Variants in CENPN observed in about 807,000 individuals in gnomAD.
CENPN encodes centromere protein N.
Under a neutral mutation model 48.6 loss-of-function variants are expected in CENPN, and 36 were observed. The observed-to-expected ratio is 0.74, with a 90% CI of 0.57 to 0.98. The LOEUF (loss-of-function observed/expected upper bound fraction) is 0.98, where lower values mean the gene tolerates loss of function less well. CENPN is among the 50% of genes least tolerant of loss of function. The probability of loss-of-function intolerance (pLI) is 0.00; values close to 1 mark genes in which losing one functional copy is unlikely to be tolerated. For missense variants in CENPN, 439 were observed against 399.2 expected, an observed-to-expected ratio of 1.10 and a Z score of -0.85; for synonymous variants, 166 against 135.2, an observed-to-expected ratio of 1.23 and a Z score of -1.58.
intron 1 of CENPN, among the ~76,000 whole-genome samples, chr16:81,009,983 G>A (rs1449053590): frequency 6.6e-6 from 1 of 152,208 alleles, no homozygotes; most frequent in Non-Finnish European, 1.5e-5. Context: ...CAGATCACTT[G>A]AGGTCAGGAG....
chr16:81,011,042 C>T (rs1481936749), intron 1 of CENPN, among the ~76,000 whole-genome samples: 1 of 152,220 alleles, frequency 6.6e-6, no homozygotes, highest in African/African-American at 2.4e-5. Flanking sequence ...CAGTGCCTTT[C>T]AAGGCCCTCC....
downstream of CENPN, chr16:81,032,665 C>T (rs557130605): frequency 6.2e-7 from 1 of 1,611,808 alleles, no homozygotes; most frequent in African/African-American, 1.3e-5. Flanking sequence ...CTTGTACCTT[C>T]TGTTTGTCCC....
chr16:81,011,131 T>C (rs1220476025), intron 1 of CENPN, among the ~76,000 whole-genome samples: 1 of 152,138 alleles, frequency 6.6e-6, no homozygotes, highest in African/African-American at 2.4e-5. Context: ...CCCTTCCCTG[T>C]TCCTCGAAGG....
downstream of CENPN, among the ~76,000 whole-genome samples, chr16:81,031,651 G>C (rs1355646218): frequency 6.6e-6 from 1 of 152,214 alleles, no homozygotes; most frequent in African/African-American, 2.4e-5. Flanking sequence ...CACGGATTCT[G>C]TTTACGAGTT....
At chr16:81,013,407 G>C (rs1969818720) in intron 2 of CENPN, among the ~76,000 whole-genome samples, 1 of 152,204 alleles carries the variant, frequency 6.6e-6, no homozygotes, top group African/African-American at 2.4e-5. Flanking sequence ...GAACCAAGAA[G>C]AGTGGAAGGA....
chr16:81,014,090 C>G (rs775600924), intron 2 of CENPN, 46 bp from the exon 3 acceptor site: 93 of 1,542,936 alleles, frequency 6.0e-5, no homozygotes, highest in Non-Finnish European at 7.5e-5. Context: ...CGGGATAGAA[C>G]CAAACCTATA....
At position 81,028,289 on chromosome 16, in the gene CENPN, C is replaced by T. The variant is rs1321763150; in HGVS notation, c.929C>T (p.Ala310Val). 3 of 1,614,096 alleles carry T rather than the reference C, an allele frequency of 1.9e-6. No homozygotes were observed. Among genetic ancestry groups the T allele is most frequent in the East Asian group, 4.5e-5 (2 of 44,876 alleles). Residue 310 changes from alanine (A) to valine (V), a missense_variant, in exon 10 of 11, where the codon GCA becomes GTA. Physicochemically the swap from Ala to Val is moderately conservative, Grantham distance 64. Coordinates refer to ENST00000305850, the MANE Select transcript of CENPN (RefSeq NM_001100624.3). ...PHLLEALKSL[A>V]PAGIADAPLS... is the part of the protein sequence containing the mutation. ...CTTCTGGAAGCATTGAAATCCTTAG[C>T]ACCAGCGGGTGAGTGGTCAGCTTAC... is the stretch of plus-strand genomic sequence containing the variant.
At chr16:81,025,153 C>G (rs1970407590) in intron 8 of CENPN, among the ~76,000 whole-genome samples, 2 of 133,970 alleles carry the variant, frequency 1.5e-5, no homozygotes. Flanking sequence ...TGGTAACTCT[C>G]TAGGCAAAGT....
At chr16:81,012,535 A>G (rs1969784650) in intron 2 of CENPN, among the ~76,000 whole-genome samples, 1 of 152,296 alleles carries the variant, frequency 6.6e-6, no homozygotes, top group South Asian at 2.1e-4. Context: ...AAAAGTTGCA[A>G]ATTTAGTTCA....
At chr16:81,011,500 AAATG>A (rs1969739216) in intron 1 of CENPN, among the ~76,000 whole-genome samples, 1 of 152,238 alleles carries the variant, frequency 6.6e-6, no homozygotes, top group Non-Finnish European at 1.5e-5. Context: ...ATGAATCAGT[AAATG>A]AATGAATGAT....
At position 81,030,111 on chromosome 16, in the gene CENPN, C is replaced by A; in HGVS notation, c.*1460C>A. ...TGAGAATAGTATGGGGGAAATCGTT[C>A]CCATGACTCAAGTATCTCCACCTGG... On this transcript the variant is annotated 3_prime_UTR_variant, in exon 11 of 11. Transcript: ENST00000305850. 1 of 707,636 alleles carries A rather than the reference C, an allele frequency of 1.4e-6. No homozygotes were observed. Among genetic ancestry groups the A allele is most frequent in the Non-Finnish European group, 1.7e-6 (1 of 576,606 alleles). The allele number at this position is 707,636 out of a possible 1,614,324, so 43.8% of individuals were successfully genotyped here.
intron 1 of CENPN, chr16:81,007,580 C>G (rs1310041994): frequency 6.6e-6 from 1 of 152,456 alleles, no homozygotes; most frequent in East Asian, 1.9e-4. Context: ...GCTCTACGAT[C>G]CTGGGGTTGC....
chr16:81,030,763 AG>A lies in CENPN; in HGVS notation c.*2114del, dbSNP rs1241946267. 1 of 150,256 alleles carries A rather than the reference AG, an allele frequency of 6.7e-6. No individual in the cohort carries two copies. The highest frequency in any genetic ancestry group is 1.5e-5 in the Non-Finnish European group (1 of 67,708). The allele number at this position is 150,256 out of a possible 1,614,324, so 9.3% of individuals were successfully genotyped here. On this transcript the variant is annotated 3_prime_UTR_variant, in exon 11 of 11. Coordinates refer to ENST00000305850, the MANE Select transcript of CENPN (RefSeq NM_001100624.3). ...AACTCTGCCTCAAAAAATAAAATAA[AG>A]GCCAGGCATGGTGGCTCACGCCTAT...
At chr16:81,028,505 C>T in intron 10 of CENPN, 64 bp from the exon 11 acceptor site, 1 of 1,584,082 alleles carries the variant, frequency 6.3e-7, no homozygotes, top group East Asian at 2.2e-5. Context: ...TAAACTGACT[C>T]AAATCCATCC....
rs1392563949 is a variant in CENPN, at chr16:81,028,316, C to G, written c.937+19C>G. On this transcript the variant is annotated intron_variant, in intron 10 of 10. Transcript: ENST00000305850. The stretch of plus-strand genomic sequence containing the variant: ...CCAGCGGGTGAGTGGTCAGCTTACT[C>G]TATAAGCTAGAAAAATTAACAACAT... The G allele has an allele frequency of 2.5e-6, 4 of 1,610,780 alleles. No individual in the cohort carries two copies. The highest frequency in any genetic ancestry group is 1.1e-5 in the South Asian group (1 of 90,696).
At chr16:81,024,617 A>T in intron 7 of CENPN, 98 bp from the exon 8 acceptor site, 1 of 790,470 alleles carries the variant, frequency 1.3e-6, no homozygotes, top group Non-Finnish European at 2.0e-6. Flanking sequence ...TGTTGGAAAA[A>T]AATAAACATT....
At chr16:81,027,977 T>C (rs992541931) in intron 9 of CENPN, among the ~76,000 whole-genome samples, 194 bp from the exon 10 acceptor site, 1 of 152,224 alleles carries the variant, frequency 6.6e-6, no homozygotes, top group African/African-American at 2.4e-5. Context: ...AGTGCTGAGA[T>C]TACAGGCATG....
intron 2 of CENPN, among the ~76,000 whole-genome samples, chr16:81,012,644 G>A (rs889483193): frequency 6.6e-6 from 1 of 152,016 alleles, no homozygotes; most frequent in African/African-American, 2.4e-5. Flanking sequence ...CATCCATGCT[G>A]GAGTGCAGTG....
chr16:81,027,875 T>C (rs1211094017), intron 9 of CENPN, among the ~76,000 whole-genome samples: 1 of 152,138 alleles, frequency 6.6e-6, no homozygotes, highest in Non-Finnish European at 1.5e-5. Context: ...CAGCTAATTA[T>C]TGTATTTTTA....
Sources: gnomAD v4.1 joint callset for allele counts (sites outside exome capture counted in the v4.1 genomes callset) on GRCh38, gnomAD v4.1.1 for gene constraint, MANE v1.5 for transcripts, NCBI Gene and HGNC (gene_info 2026-07-23, HGNC 2026-07-21) for gene names.